The following TMCC1 variants were observed in gnomAD, a reference collection of about 807,000 sequenced individuals.
The protein encoded by TMCC1 is transmembrane and coiled-coil domains protein 1.
TMCC1 carries 15 observed loss-of-function variants against 52.4 expected under a neutral mutation model. The observed-to-expected ratio is 0.29, with a 90% CI of 0.19 to 0.44. The LOEUF (loss-of-function observed/expected upper bound fraction) is 0.44, where lower values mean the gene tolerates loss of function less well. Ranked by LOEUF, TMCC1 falls within the 20% of genes least tolerant of loss-of-function variation. The pLI, the probability that TMCC1 is intolerant of heterozygous loss-of-function variation, is 1.00. For missense variants in TMCC1, 503 were observed against 806.0 expected, an observed-to-expected ratio of 0.62 and a Z score of 4.55; for synonymous variants, 279 against 301.9, an observed-to-expected ratio of 0.92 and a Z score of 0.79.
chr3:129,653,769 T>C (rs2086501144), intron 6 of TMCC1, among the ~76,000 whole-genome samples: 1 of 152,210 alleles, frequency 6.6e-6, no homozygotes, highest in African/African-American at 2.4e-5. Flanking sequence ...TTTTTAACTT[T>C]ATATTATTTA....
Position 129,844,934 on chromosome 3 carries a change from A to G in TMCC1, c.-183-12108T>C, listed in dbSNP as rs377721732. Among the ~76,000 whole-genome samples, 7 of 152,328 alleles carry G rather than the reference A, an allele frequency of 4.6e-5. No individual in the cohort carries two copies. The East Asian group carries it at 1.3e-3, about 29-fold the overall frequency. On this transcript the variant is annotated intron_variant, in intron 2 of 6. Transcript: ENST00000393238. ...GATGTCTATAAGGGTCAGTATATCT[A>G]GAGGACAATCTGTCTGAAAAGCACA...
At chr3:129,890,130 A>AT (rs2061898984) in intron 1 of TMCC1, among the ~76,000 whole-genome samples, 1 of 152,186 alleles carries the variant, frequency 6.6e-6, no homozygotes, top group Non-Finnish European at 1.5e-5. Context: ...AATATCTTTA[A>AT]AAAAAAGAAA....
At chr3:129,702,487 C>T (rs1373933878) in intron 4 of TMCC1, among the ~76,000 whole-genome samples, 1 of 152,080 alleles carries the variant, frequency 6.6e-6, no homozygotes, top group Non-Finnish European at 1.5e-5. Context: ...TGGAAAACTA[C>T]CACTTGAAAG....
At chr3:129,857,801 G>A (rs1362844047) in intron 2 of TMCC1, among the ~76,000 whole-genome samples, 1 of 152,166 alleles carries the variant, frequency 6.6e-6, no homozygotes, top group African/African-American at 2.4e-5. Flanking sequence ...CTGATGTCAT[G>A]AGCCGCCCGC....
At chr3:129,817,985 T>C (rs1011160059) in intron 4 of TMCC1, among the ~76,000 whole-genome samples, 8 of 152,118 alleles carry the variant, frequency 5.3e-5, no homozygotes, top group Admixed American at 3.9e-4. Flanking sequence ...AATTTTTGTA[T>C]TTTTAGTAGA....
intron 4 of TMCC1, among the ~76,000 whole-genome samples, chr3:129,800,565 A>T (rs2057122935): frequency 6.6e-6 from 1 of 152,048 alleles, no homozygotes; most frequent in Non-Finnish European, 1.5e-5. Flanking sequence ...CTTCCTAGGA[A>T]GTTACTTAGA....
At chr3:129,890,741 T>C (rs1334168398) in intron 1 of TMCC1, among the ~76,000 whole-genome samples, 1 of 152,254 alleles carries the variant, frequency 6.6e-6, no homozygotes, top group East Asian at 1.9e-4. Flanking sequence ...GCCTTTCATA[T>C]TCGTAAGAAT....
intron 4 of TMCC1, among the ~76,000 whole-genome samples, chr3:129,701,999 G>T (rs1225169429): frequency 6.6e-6 from 1 of 151,988 alleles, no homozygotes; most frequent in Non-Finnish European, 1.5e-5. Flanking sequence ...AAATAAAATG[G>T]TATAATAAAA....
intron 1 of TMCC1, among the ~76,000 whole-genome samples, chr3:129,883,985 T>C (rs2061579593): frequency 6.6e-6 from 1 of 152,114 alleles, no homozygotes; most frequent in East Asian, 1.9e-4. Flanking sequence ...TCTCATTGGA[T>C]ACAATGCAGG....
At chr3:129,746,086 A>G (rs1474513577) in intron 4 of TMCC1, among the ~76,000 whole-genome samples, 2 of 151,182 alleles carry the variant, frequency 1.3e-5, no homozygotes, top group African/African-American at 4.9e-5. Flanking sequence ...CTCTTTTTAA[A>G]TCCTTGCAAG....
chr3:129,868,939 C>T (rs1470945483), intron 2 of TMCC1: 1 of 152,140 alleles, frequency 6.6e-6, no homozygotes, highest in Non-Finnish European at 1.5e-5. Flanking sequence ...CTATAAGAAA[C>T]ATACATATTT....
At chr3:129,783,984 T>C (rs1488159947) in intron 4 of TMCC1, among the ~76,000 whole-genome samples, 3 of 152,162 alleles carry the variant, frequency 2.0e-5, no homozygotes, top group Non-Finnish European at 2.9e-5. Context: ...CAACAAATAT[T>C]TGGTATCTTC....
intron 4 of TMCC1, among the ~76,000 whole-genome samples, chr3:129,691,478 G>A (rs2108949868): frequency 6.6e-6 from 1 of 152,014 alleles, no homozygotes; most frequent in Non-Finnish European, 1.5e-5. Context: ...TATGTGTCCT[G>A]TAATTCAGAA....
chr3:129,807,224 A>T (rs888920426), intron 4 of TMCC1, among the ~76,000 whole-genome samples: 4 of 152,212 alleles, frequency 2.6e-5, no homozygotes, highest in African/African-American at 7.2e-5. Flanking sequence ...GGAGAACTGT[A>T]AAGAGTTACA....
chr3:129,785,987 T>C (rs2107737091), intron 4 of TMCC1, among the ~76,000 whole-genome samples: 1 of 144,032 alleles, frequency 6.9e-6, no homozygotes, highest in South Asian at 2.2e-4. Context: ...CAGGATGGAG[T>C]ATAGTGGCGC....
chr3:129,730,462 A>G (rs1238641897), intron 4 of TMCC1, among the ~76,000 whole-genome samples: 1 of 152,216 alleles, frequency 6.6e-6, no homozygotes, highest in Non-Finnish European at 1.5e-5. Context: ...ATGAACTGGC[A>G]ATATTTACGT....
At chr3:129,786,182 C>G (rs1331196073) in intron 4 of TMCC1, among the ~76,000 whole-genome samples, 2 of 152,096 alleles carry the variant, frequency 1.3e-5, no homozygotes, top group Non-Finnish European at 2.9e-5. Flanking sequence ...TCAAGTGATT[C>G]ACCTGCCTCG....
chr3:129,869,185 G>A (rs529415174), intron 2 of TMCC1: 27 of 152,210 alleles, frequency 1.8e-4, no homozygotes, highest in Admixed American at 6.5e-4. Context: ...CTTTGGGGAA[G>A]AGAGAGGAAC....
chr3:129,661,330 G>A (rs892567224), intron 5 of TMCC1, among the ~76,000 whole-genome samples: 1 of 152,290 alleles, frequency 6.6e-6, no homozygotes, highest in African/African-American at 2.4e-5. Context: ...GGAGGCTGAG[G>A]TGGGAGGATC....
Sources: gnomAD v4.1 joint callset for allele counts (sites outside exome capture counted in the v4.1 genomes callset) on GRCh38, gnomAD v4.1.1 for gene constraint, MANE v1.5 for transcripts, NCBI Gene and HGNC (gene_info 2026-07-23, HGNC 2026-07-21) for gene names.